Variants in BMP5 observed in about 807,000 individuals in gnomAD.
BMP5 encodes bone morphogenetic protein 5.
BMP5 carries 23 observed loss-of-function variants against 46.6 expected under a neutral mutation model. The ratio of observed to expected loss-of-function variants is 0.49; its 90% CI spans 0.35 to 0.70. The LOEUF (loss-of-function observed/expected upper bound fraction) is 0.70, where lower values mean the gene tolerates loss of function less well. Ranked by LOEUF, BMP5 falls within the 30% of genes least tolerant of loss-of-function variation. The pLI, the probability that BMP5 is intolerant of heterozygous loss-of-function variation, is 0.00. For missense variants in BMP5, 545 were observed against 565.6 expected (o/e 0.96, Z 0.37); for synonymous variants, 204 against 191.9 (o/e 1.06, Z -0.52).
chr6:55,796,449 G>A (rs1179785309), intron 2 of BMP5, among the ~76,000 whole-genome samples: 2 of 151,192 alleles, frequency 1.3e-5, no homozygotes, highest in Non-Finnish European at 2.9e-5. Flanking sequence ...GACAGTTCCA[G>A]TTTAAATGTA....
At chr6:55,757,823 C>G (rs1394181866) in intron 6 of BMP5, among the ~76,000 whole-genome samples, 2 of 151,922 alleles carry the variant, frequency 1.3e-5, no homozygotes, top group Non-Finnish European at 2.9e-5. Context: ...TGATAACGTT[C>G]ATGCTCTAGT....
intron 4 of BMP5, among the ~76,000 whole-genome samples, chr6:55,763,342 T>C (rs1227888399): frequency 6.6e-6 from 1 of 152,156 alleles, no homozygotes; most frequent in Non-Finnish European, 1.5e-5. Flanking sequence ...CTAAGTGATG[T>C]ATATAATGTA....
At chr6:55,856,863 A>G (rs1464615397) in intron 1 of BMP5, among the ~76,000 whole-genome samples, 2 of 152,092 alleles carry the variant, frequency 1.3e-5, no homozygotes, top group East Asian at 1.9e-4. Flanking sequence ...TTACATTTGT[A>G]TGTGTGTGTG....
intron 4 of BMP5, among the ~76,000 whole-genome samples, 200 bp downstream of exon 4, chr6:55,773,849 G>A (rs1775104271): frequency 6.6e-6 from 1 of 151,880 alleles, no homozygotes; most frequent in South Asian, 2.1e-4. Flanking sequence ...TTCAACATAT[G>A]AAGGCAACTC....
At chr6:55,826,396 T>C (rs1271307213) in intron 1 of BMP5, among the ~76,000 whole-genome samples, 1 of 151,858 alleles carries the variant, frequency 6.6e-6, no homozygotes, top group Admixed American at 6.6e-5. Flanking sequence ...AATATTCTAC[T>C]ATAACTAAAC....
Position 55,874,762 on chromosome 6 carries a change from T to C in BMP5, c.104A>G (p.His35Arg). ...TAGTCTTCTATAAATAAAACTGGAG[T>C]GAACATGATTGTCTCCCAAACCTCC... is the stretch of plus-strand genomic sequence containing the variant. ...AKGGLGDNHV[H>R]SSFIYRRLRN... The change falls in exon 1 of 7, where the codon CAC (histidine) becomes CGC (arginine). Residue 35 changes from histidine (H) to arginine (R), a missense_variant. Coordinates refer to ENST00000370830, the MANE Select transcript of BMP5 (RefSeq NM_021073.4). The C allele has an allele frequency of 6.2e-7, 1 of 1,613,284 alleles. No individual in the cohort carries two copies. Among genetic ancestry groups the C allele is most frequent in the South Asian group, 1.1e-5 (1 of 91,060 alleles).
intron 3 of BMP5, among the ~76,000 whole-genome samples, chr6:55,780,351 T>A (rs938758570): frequency 1.3e-5 from 2 of 150,116 alleles, no homozygotes; most frequent in African/African-American, 4.9e-5. Flanking sequence ...CCAGGAATGG[T>A]GGCTCACGCC....
chr6:55,823,000 C>T (rs1297823750), intron 1 of BMP5, among the ~76,000 whole-genome samples: 1 of 152,014 alleles, frequency 6.6e-6, no homozygotes, highest in Admixed American at 6.6e-5. Context: ...ATAAGACTTA[C>T]AGCCTAATGA....
intron 2 of BMP5, among the ~76,000 whole-genome samples, chr6:55,816,056 T>G (rs1417768047): frequency 1.3e-5 from 2 of 152,018 alleles, no homozygotes; most frequent in Non-Finnish European, 2.9e-5. Flanking sequence ...AATAAATATA[T>G]TCTAGAGGAT....
intron 6 of BMP5, 91 bp from the exon 7 acceptor site, chr6:55,755,773 A>G (rs1774577664): frequency 1.6e-6 from 2 of 1,249,606 alleles, no homozygotes; most frequent in East Asian, 2.5e-5. Context: ...ATCACTCATA[A>G]TCAGGCACAC....
At chr6:55,774,290 A>G (rs1775119092) in intron 3 of BMP5, 47 bp from the exon 4 acceptor site, 1 of 1,550,602 alleles carries the variant, frequency 6.4e-7, no homozygotes, top group East Asian at 2.2e-5. Flanking sequence ...AGAAAGAACA[A>G]TTACCTGATG....
intron 1 of BMP5, among the ~76,000 whole-genome samples, chr6:55,833,830 A>G (rs1214293912): frequency 6.6e-6 from 1 of 152,286 alleles, no homozygotes; most frequent in Non-Finnish European, 1.5e-5. Flanking sequence ...ATGGAATCCT[A>G]ATGAATTTAT....
Position 55,858,112 on chromosome 6 carries a change from T to G in BMP5, c.490+16264A>C, listed in dbSNP as rs112012844. On this transcript the variant is annotated intron_variant, in intron 1 of 6. Coordinates refer to ENST00000370830, the MANE Select transcript of BMP5 (RefSeq NM_021073.4). ...AAATTATTCTTTGCTCATATATACT[T>G]GAGCGTTTTATAATTAAGTTATAGA... is the stretch of plus-strand genomic sequence containing the variant. Among the ~76,000 whole-genome samples, 81 of 152,330 alleles carry G rather than the reference T, an allele frequency of 5.3e-4. 2 individuals carry two copies. Among genetic ancestry groups the G allele is most frequent in the African/African-American group, 1.9e-3 (78 of 41,584 alleles).
At chr6:55,796,159 A>T (rs1334701804) in intron 2 of BMP5, among the ~76,000 whole-genome samples, 2 of 152,216 alleles carry the variant, frequency 1.3e-5, no homozygotes, top group Non-Finnish European at 2.9e-5. Context: ...TGAGTGCTAC[A>T]CTGATTTCAG....
chr6:55,761,588 C>G (rs1241570853), intron 4 of BMP5, among the ~76,000 whole-genome samples: 1 of 152,056 alleles, frequency 6.6e-6, no homozygotes, highest in Non-Finnish European at 1.5e-5. Context: ...AGAGCCTTTT[C>G]TCTCACTAGT....
At chr6:55,828,134 G>C (rs1488866686) in intron 1 of BMP5, among the ~76,000 whole-genome samples, 1 of 151,754 alleles carries the variant, frequency 6.6e-6, no homozygotes, top group African/African-American at 2.4e-5. Context: ...GTACACAAAA[G>C]ACTTTCCTTT....
chr6:55,864,251 T>A (rs1395523803), intron 1 of BMP5, among the ~76,000 whole-genome samples: 2 of 152,182 alleles, frequency 1.3e-5, no homozygotes, highest in African/African-American at 4.8e-5. Context: ...TTTGAGTATG[T>A]CCTCTCCTAA....
At chr6:55,814,161 A>C (rs982464175) in intron 2 of BMP5, among the ~76,000 whole-genome samples, 32 of 152,130 alleles carry the variant, frequency 2.1e-4, no homozygotes, top group African/African-American at 6.5e-4. Flanking sequence ...TATTTTTCAT[A>C]TATTAAATTA....
chr6:55,799,761 T>C (rs1411993276), intron 2 of BMP5, among the ~76,000 whole-genome samples: 1 of 152,206 alleles, frequency 6.6e-6, no homozygotes, highest in African/African-American at 2.4e-5. Flanking sequence ...GAATCCACCA[T>C]CTCAACTTGC....
Sources: gnomAD v4.1 joint callset for allele counts (sites outside exome capture counted in the v4.1 genomes callset) on GRCh38, gnomAD v4.1.1 for gene constraint, MANE v1.5 for transcripts, NCBI Gene and HGNC (gene_info 2026-07-23, HGNC 2026-07-21) for gene names.